The following MEI1 variants were observed in gnomAD, a reference collection of about 807,000 sequenced individuals.
MEI1 encodes meiosis inhibitor protein 1.
MEI1 carries 103 observed loss-of-function variants against 146.2 expected under a neutral mutation model. The ratio of observed to expected loss-of-function variants is 0.70; its 90% CI spans 0.60 to 0.83. The LOEUF is 0.83. Among genes scored for constraint, MEI1 ranks in the 40% least tolerant of loss-of-function variants. The pLI is 0.00. For missense variants in MEI1, 1,529 were observed against 1,533.0 expected (o/e 1.00, Z 0.04); for synonymous variants, 652 against 628.2 (o/e 1.04, Z -0.57).
chr22:41,749,816 A>G (rs1194917376), intron 15 of MEI1, among the ~76,000 whole-genome samples: 1 of 151,318 alleles, frequency 6.6e-6, no homozygotes, highest in Non-Finnish European at 1.5e-5. Context: ...AGTTCAAGGT[A>G]ATGCCTGGCT....
intron 26 of MEI1, among the ~76,000 whole-genome samples, chr22:41,789,037 G>A: frequency 6.6e-6 from 1 of 152,198 alleles, no homozygotes; most frequent in East Asian, 1.9e-4. Context: ...AGTAAGGCCA[G>A]GCGCAGTGGC....
intron 30 of MEI1, among the ~76,000 whole-genome samples, chr22:41,798,723 C>T (rs2076465504): frequency 1.3e-5 from 2 of 151,570 alleles, no homozygotes; most frequent in South Asian, 4.2e-4. Context: ...CAAAAATTAG[C>T]CGGGCATGGT....
At chr22:41,763,698 T>C (rs954185641) in intron 19 of MEI1, among the ~76,000 whole-genome samples, 2 of 151,866 alleles carry the variant, frequency 1.3e-5, no homozygotes, top group Admixed American at 6.6e-5. Flanking sequence ...GTTCAAGCGA[T>C]TCTCCTGCCT....
Position 41,708,525 on chromosome 22 carries a change from A to T in MEI1, c.349+2971A>T, listed in dbSNP as rs55891111. Among the ~76,000 whole-genome samples the T allele has an allele frequency of 6.5e-4, 99 of 152,282 alleles. 1 individual carries two copies. The highest frequency in any genetic ancestry group is 2.4e-3 in the African/African-American group (99 of 41,554). ...TCGTTAACAGTATACAACAACTTTC[A>T]AACTCCCGTCTTCAGTGGATACCAA... is the stretch of plus-strand genomic sequence containing the variant. On this transcript the variant is annotated intron_variant, in intron 3 of 30. Coordinates refer to ENST00000401548, the MANE Select transcript of MEI1 (RefSeq NM_152513.4).
Position 41,732,493 on chromosome 22 carries a change from C to G in MEI1, c.1221C>G (p.Phe407Leu). Residue 407 changes from phenylalanine to leucine, a missense_variant, in exon 11 of 31, where the codon TTC (phenylalanine) becomes TTG (leucine). Coordinates refer to ENST00000401548, the MANE Select transcript of MEI1 (RefSeq NM_152513.4). ...GGCAGCCAGAGGAGATCAAGCTGTT[C>G]ACAAGCTCAGCCATGTGCAGAGATG... ...LTRQPEEIKL[F>L]TSSAMCRDAG... 2 of 1,613,864 alleles carry G rather than the reference C, an allele frequency of 1.2e-6. No homozygotes were observed. The highest frequency in any genetic ancestry group is 1.7e-6 in the Non-Finnish European group (2 of 1,179,884).
At chr22:41,785,232 G>A (rs1217668228) in intron 26 of MEI1, among the ~76,000 whole-genome samples, 6 of 149,052 alleles carry the variant, frequency 4.0e-5, no homozygotes, top group Non-Finnish European at 7.4e-5. Flanking sequence ...ACCGCGCCTG[G>A]CATTTTTATT....
chr22:41,720,597 AT>A (rs71184835), intron 6 of MEI1, among the ~76,000 whole-genome samples: 109 of 124,804 alleles, frequency 8.7e-4, no homozygotes, highest in Admixed American at 2.0e-3. Context: ...GCCTGGCTCA[AT>A]TTTTTTTTTT....
At chr22:41,765,046 C>T (rs2074751229) in intron 19 of MEI1, among the ~76,000 whole-genome samples, 1 of 152,114 alleles carries the variant, frequency 6.6e-6, no homozygotes, top group Non-Finnish European at 1.5e-5. Context: ...CTCTTGTTTC[C>T]CAGGCTGGAG....
intron 17 of MEI1, 48 bp from the exon 18 acceptor site, chr22:41,758,317 T>A (rs930803010): frequency 1.3e-6 from 2 of 1,571,446 alleles, no homozygotes; most frequent in Non-Finnish European, 1.7e-6. Flanking sequence ...TGATTACCTG[T>A]TCTTCTATGT....
At chr22:41,701,345 A>T (rs2068712958) in intron 1 of MEI1, among the ~76,000 whole-genome samples, 2 of 152,048 alleles carry the variant, frequency 1.3e-5, no homozygotes, top group African/African-American at 4.8e-5. Context: ...AATGAGAAAG[A>T]CTGGGCCGGG....
intron 19 of MEI1, among the ~76,000 whole-genome samples, chr22:41,769,856 C>G (rs986023231): frequency 6.6e-6 from 1 of 151,718 alleles, no homozygotes; most frequent in Non-Finnish European, 1.5e-5. Context: ...TCAACAAGGC[C>G]GGGCACGGTG....
intron 3 of MEI1, 57 bp from the exon 4 acceptor site, chr22:41,713,945 A>T: frequency 7.1e-7 from 1 of 1,415,004 alleles, no homozygotes; most frequent in South Asian, 1.2e-5. Context: ...GGGCCATGGA[A>T]GGTGGACTCT....
chr22:41,768,775 C>A (rs1444908882), intron 19 of MEI1, among the ~76,000 whole-genome samples: 1 of 152,138 alleles, frequency 6.6e-6, no homozygotes, highest in Non-Finnish European at 1.5e-5. Flanking sequence ...GGAGGTCCAC[C>A]CCCATGATCC....
chr22:41,704,261 T>C (rs1485796377), intron 2 of MEI1, among the ~76,000 whole-genome samples: 2 of 152,198 alleles, frequency 1.3e-5, no homozygotes, highest in Non-Finnish European at 2.9e-5. Flanking sequence ...GGCTTTTAAC[T>C]GCCAAGACAA....
intron 11 of MEI1, among the ~76,000 whole-genome samples, chr22:41,741,925 A>G (rs1446073563): frequency 1.4e-5 from 2 of 143,532 alleles, no homozygotes; most frequent in Non-Finnish European, 3.0e-5. Context: ...GCCTGGTGAC[A>G]GAGCGAGACT....
chr22:41,714,915 T>A (rs1427730568), intron 4 of MEI1, among the ~76,000 whole-genome samples: 1 of 152,040 alleles, frequency 6.6e-6, no homozygotes, highest in African/African-American at 2.4e-5. Flanking sequence ...GCAGCTTTTG[T>A]GTTGTATTTA....
intron 7 of MEI1, among the ~76,000 whole-genome samples, chr22:41,726,062 G>A (rs1269253492): frequency 2.0e-5 from 3 of 152,126 alleles, no homozygotes; most frequent in Non-Finnish European, 4.4e-5. Context: ...GGTGGATCAC[G>A]AGGTCAGGAG....
At chr22:41,784,466 G>A in intron 25 of MEI1, 46 bp downstream of exon 25, 1 of 1,607,110 alleles carries the variant, frequency 6.2e-7, no homozygotes, top group Non-Finnish European at 8.5e-7. Context: ...TTTTCCCTAG[G>A]TTTTCAGATA....
intron 11 of MEI1, among the ~76,000 whole-genome samples, chr22:41,739,140 CAAAA>C (rs11297750): frequency 7.0e-6 from 1 of 143,692 alleles, no homozygotes; most frequent in Non-Finnish European, 1.5e-5. Context: ...ACTAAAAATA[CAAAA>C]AAAAAAAAAA....
Sources: gnomAD v4.1 joint callset for allele counts (sites outside exome capture counted in the v4.1 genomes callset) on GRCh38, gnomAD v4.1.1 for gene constraint, MANE v1.5 for transcripts, NCBI Gene and HGNC (gene_info 2026-07-23, HGNC 2026-07-21) for gene names.